Variants in ATOSA observed in about 807,000 individuals in gnomAD.
ATOSA encodes the protein atos homolog protein A.
the ATOSA span, among the ~76,000 whole-genome samples, chr15:52,659,980 T>C: frequency 9.2e-5 from 14 of 152,232 alleles, no homozygotes; most frequent in African/African-American, 3.4e-4. Context: ...GATCATCCTA[T>C]GTAGCATTTA....
the ATOSA span, among the ~76,000 whole-genome samples, chr15:52,702,952 C>G: frequency 6.6e-5 from 10 of 152,072 alleles, no homozygotes; most frequent in African/African-American, 2.4e-4. Context: ...ACGACTTGTA[C>G]ACAAATTTTC....
chr15:52,653,034 C>T, the ATOSA span, among the ~76,000 whole-genome samples: 6 of 152,138 alleles, frequency 3.9e-5, no homozygotes, highest in African/African-American at 1.4e-4. Context: ...GATGGTGGTT[C>T]AAACGTTTAA....
At chr15:52,695,350 AC>A in the ATOSA span, among the ~76,000 whole-genome samples, 2 of 152,176 alleles carry the variant, frequency 1.3e-5, no homozygotes, top group Non-Finnish European at 2.9e-5. Context: ...TCTAGCATAA[AC>A]CATCCTTTCC....
At chr15:52,695,178 G>A in the ATOSA span, among the ~76,000 whole-genome samples, 1 of 152,088 alleles carries the variant, frequency 6.6e-6, no homozygotes. Flanking sequence ...GCCTACCTTG[G>A]TCTCCTAAAG....
chr15:52,634,845 G>A, the ATOSA span, among the ~76,000 whole-genome samples: 60 of 152,076 alleles, frequency 3.9e-4, no homozygotes, highest in African/African-American at 1.3e-3. Flanking sequence ...CAGGTGATCC[G>A]CTCATCTTGG....
chr15:52,686,859 G>A, the ATOSA span, among the ~76,000 whole-genome samples: 1 of 152,166 alleles, frequency 6.6e-6, no homozygotes, highest in Non-Finnish European at 1.5e-5. Context: ...ATTTCATGCT[G>A]CCATGCTTCA....
the ATOSA span, among the ~76,000 whole-genome samples, chr15:52,591,106 G>C: frequency 6.6e-6 from 1 of 152,148 alleles, no homozygotes; most frequent in Non-Finnish European, 1.5e-5. Flanking sequence ...GTTACCTCTT[G>C]CTCATTAATT....
At chr15:52,662,769 CAA>C in the ATOSA span, among the ~76,000 whole-genome samples, 519 of 79,006 alleles carry the variant, frequency 6.6e-3, 4 homozygotes, top group African/African-American at 0.019. Flanking sequence ...GACTCCGTCT[CAA>C]AAAAAAAAAA....
At chr15:52,669,177 T>A in the ATOSA span, among the ~76,000 whole-genome samples, 1 of 152,096 alleles carries the variant, frequency 6.6e-6, no homozygotes, top group Non-Finnish European at 1.5e-5. Flanking sequence ...CACCTCAGCC[T>A]TCCAAAGTGC....
the ATOSA span, among the ~76,000 whole-genome samples, chr15:52,639,644 G>C: frequency 5.3e-5 from 8 of 152,208 alleles, no homozygotes; most frequent in African/African-American, 1.9e-4. Context: ...GCTGGTAACT[G>C]CTTTCTGGTT....
At chr15:52,617,107 G>A in the ATOSA span, among the ~76,000 whole-genome samples, 6 of 152,300 alleles carry the variant, frequency 3.9e-5, no homozygotes, top group Non-Finnish European at 8.8e-5. Flanking sequence ...ATATGTTGAA[G>A]CCTTAACTGG....
the ATOSA span, among the ~76,000 whole-genome samples, chr15:52,633,985 ATAT>A: frequency 6.6e-6 from 1 of 152,332 alleles, no homozygotes; most frequent in African/African-American, 2.4e-5. Flanking sequence ...AAGTGGCATA[ATAT>A]TGCTTGGAGG....
At chr15:52,652,093 C>G in the ATOSA span, 1 of 1,424,976 alleles carries the variant, frequency 7.0e-7, no homozygotes, top group Non-Finnish European at 9.1e-7. Context: ...ACAGCACTCA[C>G]AGCTGATTGG....
At chr15:52,622,719 G>A in the ATOSA span, among the ~76,000 whole-genome samples, 1 of 152,026 alleles carries the variant, frequency 6.6e-6, no homozygotes, top group Non-Finnish European at 1.5e-5. Flanking sequence ...AAAAATTAGG[G>A]GAAAGAGCAT....
At chr15:52,640,208 ACTG>A in the ATOSA span, among the ~76,000 whole-genome samples, 1 of 152,158 alleles carries the variant, frequency 6.6e-6, no homozygotes, top group South Asian at 2.1e-4. Flanking sequence ...TACAATTACT[ACTG>A]TTAACTAATC....
the ATOSA span, among the ~76,000 whole-genome samples, chr15:52,614,590 G>A: frequency 6.6e-6 from 1 of 151,564 alleles, no homozygotes; most frequent in Non-Finnish European, 1.5e-5. Flanking sequence ...GCTCATGCCT[G>A]TAATCCCAGC....
the ATOSA span, chr15:52,586,592 AGACCAGG>A: frequency 1.3e-5 from 2 of 152,490 alleles, no homozygotes; most frequent in African/African-American, 2.4e-5. Flanking sequence ...TGAGAACCCT[AGACCAGG>A]GATGATGAAG....
the ATOSA span, among the ~76,000 whole-genome samples, chr15:52,654,875 C>T: frequency 1.1e-4 from 16 of 151,732 alleles, no homozygotes; most frequent in African/African-American, 3.9e-4. Flanking sequence ...AAAAAAGAAC[C>T]CCTCAAAGGT....
At chr15:52,647,016 A>G in the ATOSA span, among the ~76,000 whole-genome samples, 3 of 152,200 alleles carry the variant, frequency 2.0e-5, no homozygotes, top group East Asian at 5.8e-4. Context: ...TAGTCATTTA[A>G]AATTAGGATA....
Sources: allele counts gnomAD v4.1 joint callset (sites outside exome capture counted in the v4.1 genomes callset), GRCh38; gene constraint gnomAD v4.1.1; transcripts MANE v1.5; gene names NCBI Gene and HGNC (gene_info 2026-07-23, HGNC 2026-07-21).